GMDS: variants seen among roughly 807,000 people sequenced by gnomAD.
The protein encoded by GMDS is GDP-mannose 4,6-dehydratase.
In GMDS, 20 loss-of-function variants were observed where a neutral mutation model predicts 49.9. The ratio of observed to expected loss-of-function variants is 0.40; its 90% confidence interval spans 0.28 to 0.58. GMDS has a LOEUF of 0.58. Among genes scored for constraint, GMDS ranks in the 20% least tolerant of loss-of-function variants. The pLI is 0.42. For synonymous variants in GMDS, 177 were observed against 178.6 expected (o/e 0.99, Z 0.07); for missense variants, 362 against 481.4 (o/e 0.75, Z 2.32).
At chr6:2,150,385 T>TA (rs1189533145) in intron 1 of GMDS, among the ~76,000 whole-genome samples, 5 of 152,058 alleles carry the variant, frequency 3.3e-5, no homozygotes, top group Non-Finnish European at 7.4e-5. Context: ...CTTTCTATTT[T>TA]AAAAAAATAA....
At chr6:1,866,193 C>T (rs997980284) in intron 7 of GMDS, among the ~76,000 whole-genome samples, 4 of 152,158 alleles carry the variant, frequency 2.6e-5, no homozygotes, top group African/African-American at 9.7e-5. Context: ...TATTCCACAC[C>T]TGTTTAAAAT....
rs148419231 is a variant in GMDS at position 2,239,461 on chromosome 6, C to T, written c.102+5860G>A. Among the ~76,000 whole-genome samples, 1,267 of 152,220 alleles carry T rather than the reference C, an allele frequency of 8.3e-3. 7 individuals carry two copies. The highest frequency in any genetic ancestry group is 0.034 in the Middle Eastern group (10 of 294). ...GTCAGCATGTAATCCAAACATCACA[C>T]TACTGTAGACTAGGAGCAGCCCTTA... On this transcript the variant is annotated intron_variant, in intron 1 of 10. Transcript: ENST00000380815.
intron 4 of GMDS, among the ~76,000 whole-genome samples, chr6:2,059,576 C>T (rs368164994): frequency 6.8e-6 from 1 of 147,032 alleles, no homozygotes; most frequent in Middle Eastern, 3.2e-3. Flanking sequence ...GGCGTGGTAG[C>T]GGGCGCCTGT....
chr6:1,733,765 T>C (rs577423345), intron 8 of GMDS, among the ~76,000 whole-genome samples: 1 of 151,692 alleles, frequency 6.6e-6, no homozygotes, highest in African/African-American at 2.4e-5. Flanking sequence ...GGTGGGAGGA[T>C]TGCTTGAACC....
chr6:1,665,868 T>C (rs1764219723), intron 9 of GMDS, among the ~76,000 whole-genome samples: 1 of 152,246 alleles, frequency 6.6e-6, no homozygotes, highest in Admixed American at 6.5e-5. Flanking sequence ...TGAGCTCAAA[T>C]AAGAACTACT....
intron 9 of GMDS, among the ~76,000 whole-genome samples, chr6:1,648,249 GGTTGTTCTGTGTGGCA>G (rs1292396390): frequency 6.6e-6 from 1 of 152,130 alleles, no homozygotes; most frequent in East Asian, 1.9e-4. Context: ...TAAACAGTGT[GGTTGTTCTGTGTGGCA>G]GATAGCAGTG....
Position 1,930,159 on chromosome 6 carries a change from T to G in GMDS, c.715A>C (p.Ser239Arg), listed in dbSNP as rs1762222156. Residue 239 changes from serine to arginine, a missense_variant, in exon 7 of 11, where the codon AGT (serine) becomes CGT (arginine). Coordinates refer to ENST00000380815, the MANE Select transcript of GMDS (RefSeq NM_001500.4). ...KIYLGQLECF[S>R]LGNLDAKRDW... ...CGTTTGGCATCCAGATTTCCCAAAC[T>G]GAAACATTCCAGTTGTCCAAGGTAA... is the stretch of plus-strand genomic sequence containing the variant. 1 of 1,612,862 alleles carries G rather than the reference T, an allele frequency of 6.2e-7. No individual in the cohort carries two copies. The highest frequency in any genetic ancestry group is 1.1e-5 in the South Asian group (1 of 90,888).
At chr6:2,082,662 G>T (rs1428210271) in intron 4 of GMDS, among the ~76,000 whole-genome samples, 2 of 152,066 alleles carry the variant, frequency 1.3e-5, no homozygotes, top group African/African-American at 4.8e-5. Flanking sequence ...AATGGTTATG[G>T]GTCACAAAAT....
intron 4 of GMDS, among the ~76,000 whole-genome samples, chr6:2,112,764 G>T (rs1377198023): frequency 3.9e-5 from 6 of 152,074 alleles, no homozygotes; most frequent in Non-Finnish European, 1.5e-5. Flanking sequence ...TGGCAAGGCC[G>T]GTGACTTTTC....
chr6:2,088,054 C>T (rs79964803), intron 4 of GMDS, among the ~76,000 whole-genome samples: 4,459 of 151,528 alleles, frequency 0.029, 139 homozygotes, highest in South Asian at 0.12. Flanking sequence ...TGCTCATATG[C>T]TGGAGTGGAG....
intron 1 of GMDS, among the ~76,000 whole-genome samples, chr6:2,154,310 C>T (rs1307288354): frequency 6.6e-6 from 1 of 152,066 alleles, no homozygotes; most frequent in East Asian, 1.9e-4. Flanking sequence ...ATACAACAAC[C>T]CTATTTGGGA....
At chr6:1,938,984 T>TCTCTC (rs1270360748) in intron 6 of GMDS, among the ~76,000 whole-genome samples, 106 of 79,446 alleles carry the variant, frequency 1.3e-3, no homozygotes, top group Admixed American at 1.9e-3. Flanking sequence ...CCTCCCCTCC[T>TCTCTC]CTCTCCTCTC....
rs557060853 is a variant in GMDS at position 2,069,506 on chromosome 6, G to A, written c.345+46265C>T. Among the ~76,000 whole-genome samples, 40 of 151,862 alleles carry A rather than the reference G, an allele frequency of 2.6e-4. No homozygotes were observed. In the South Asian group the frequency reaches 3.1e-3, roughly 12 times the overall value. On this transcript the variant is annotated intron_variant, in intron 4 of 10. Transcript: ENST00000380815. ...ACCTACAGAATGGGAGAAAATTTTC[G>A]CAACCTACTCATCTGACAAAGGGCT...
chr6:1,968,301 G>C (rs1490074140), intron 4 of GMDS, among the ~76,000 whole-genome samples: 1 of 152,184 alleles, frequency 6.6e-6, no homozygotes, highest in Non-Finnish European at 1.5e-5. Flanking sequence ...GATTAGTGGA[G>C]TGGTTGTCAT....
At chr6:2,156,192 T>C (rs1314521946) in intron 1 of GMDS, among the ~76,000 whole-genome samples, 1 of 152,144 alleles carries the variant, frequency 6.6e-6, no homozygotes, top group Non-Finnish European at 1.5e-5. Flanking sequence ...ATAGAGCGTC[T>C]TGAAAAGCTG....
chr6:2,029,133 A>C (rs1173158438), intron 4 of GMDS, among the ~76,000 whole-genome samples: 1 of 152,090 alleles, frequency 6.6e-6, no homozygotes, highest in Non-Finnish European at 1.5e-5. Context: ...TCAAGACAGA[A>C]AGTAAATCCA....
chr6:1,981,220 G>GA (rs1765204074), intron 4 of GMDS, among the ~76,000 whole-genome samples: 1 of 143,302 alleles, frequency 7.0e-6, no homozygotes, highest in South Asian at 2.2e-4. Context: ...ACAGAGACAT[G>GA]AAAAAACCTG....
chr6:2,046,859 T>C (rs995900358), intron 4 of GMDS, among the ~76,000 whole-genome samples: 3 of 152,158 alleles, frequency 2.0e-5, no homozygotes, highest in Non-Finnish European at 4.4e-5. Flanking sequence ...TTCTGACACA[T>C]TTTTCAAACT....
intron 8 of GMDS, 39 bp downstream of exon 8, chr6:1,742,429 C>T: frequency 8.6e-7 from 1 of 1,157,146 alleles, no homozygotes; most frequent in South Asian, 1.3e-5. Flanking sequence ...TGCATACCTG[C>T]CAGAGAGCTA....
Sources: gnomAD v4.1 joint callset for allele counts (sites outside exome capture counted in the v4.1 genomes callset) on GRCh38, gnomAD v4.1.1 for gene constraint, MANE v1.5 for transcripts, NCBI Gene and HGNC (gene_info 2026-07-23, HGNC 2026-07-21) for gene names.